ZNF253: variants seen among roughly 807,000 people sequenced by gnomAD.
ZNF253 encodes the protein DNA-binding protein.
A neutral mutation model predicts 11.9 loss-of-function variants in ZNF253; 8 were observed. The ratio of observed to expected loss-of-function variants is 0.67; its 90% CI spans 0.40 to 1.22. The LOEUF is 1.22. ZNF253 is among the 50% of genes most tolerant of loss of function. The pLI is 0.01. For synonymous variants in ZNF253, 194 were observed against 194.9 expected (o/e 1.00, Z 0.04); for missense variants, 485 against 586.9 (o/e 0.83, Z 1.79).
chr19:19,888,274 C>T (rs1486828007), intron 3 of ZNF253, among the ~76,000 whole-genome samples: 1 of 151,966 alleles, frequency 6.6e-6, no homozygotes, highest in Non-Finnish European at 1.5e-5. Flanking sequence ...ATGTTGGCCA[C>T]GCTGGTCTTG....
Position 19,885,221 on chromosome 19 carries a change from TTCTTTCTTTCTTTC to T in ZNF253, c.226+5077_226+5090del, listed in dbSNP as rs1360415639. Among the ~76,000 whole-genome samples, 8 of 39,082 alleles carry T rather than the reference TTCTTTCTTTCTTTC, an allele frequency of 2.0e-4. 1 individual carries two copies. In the South Asian group the frequency reaches 4.1e-3, roughly 20 times the overall value. The allele number at this position is 39,082 out of a possible 152,430, so 25.6% of individuals were successfully genotyped here. The stretch of plus-strand genomic sequence containing the variant: ...ATGTCATGTCTTTTTTTTGTATTCT[TTCTTTCTTTCTTTC>T]TTTCTTTCTTTCTTTCTTTCTTTCT... On this transcript the variant is annotated intron_variant, in intron 3 of 3. Transcript: ENST00000589717.
At chr19:19,880,256 A>G (rs1342801164) in intron 3 of ZNF253, 110 bp downstream of exon 3, 1 of 719,956 alleles carries the variant, frequency 1.4e-6, no homozygotes, top group African/African-American at 1.9e-5. Flanking sequence ...TCCAAAGGAA[A>G]TAGGTCCTGG....
At chr19:19,879,156 T>G (rs1247056372) in intron 2 of ZNF253, among the ~76,000 whole-genome samples, 1 of 152,076 alleles carries the variant, frequency 6.6e-6, no homozygotes, top group African/African-American at 2.4e-5. Context: ...TTGAGTAAGG[T>G]GGGATATGTC....
In ZNF253 at chr19:19,894,296, C is replaced by T. The variant is rs546186319; in HGVS notation, c.*1549C>T. 1.3e-5 allele frequency: 2 copies of T among 152,164 alleles called. No homozygotes were observed. The highest frequency in any genetic ancestry group is 1.5e-5 in the Non-Finnish European group (1 of 67,990). 9.4% of individuals were successfully genotyped at this position (152,164 alleles called of 1,614,324 possible). A position where few individuals can be genotyped will look rare whatever the true frequency, so the allele number is the denominator to read the frequency against. ...ATGATATAATACAGCTTTCACATTGCTTTATGCTATTTTATTCCTATTATA... is the reference window on the plus strand; with the variant it reads ...ATGATATAATACAGCTTTCACATTGTTTTATGCTATTTTATTCCTATTATA... On this transcript the variant is annotated 3_prime_UTR_variant, in exon 4 of 4. Transcript: ENST00000589717.
chr19:19,878,707 A>G, intron 2 of ZNF253, 100 bp downstream of exon 2: 1 of 1,395,202 alleles, frequency 7.2e-7, no homozygotes, highest in East Asian at 2.5e-5. Context: ...GCAAAGTGGT[A>G]GAATTACAGG....
chr19:19,892,997 G>C lies in ZNF253; in HGVS notation c.*250G>C. On this transcript the variant is annotated 3_prime_UTR_variant, in exon 4 of 4. Coordinates refer to ENST00000589717, the MANE Select transcript of ZNF253 (RefSeq NM_021047.3). ...AAGTTCTCAATTCCTTTTTTTTTGAGATGGAGTTTCACTCTTGTCACCGAG... is the reference window on the plus strand; with the variant it reads ...AAGTTCTCAATTCCTTTTTTTTTGACATGGAGTTTCACTCTTGTCACCGAG... 2.6e-6 allele frequency: 1 copy of C among 385,794 alleles called. No individual in the cohort carries two copies. The highest frequency in any genetic ancestry group is 4.4e-5 in the South Asian group (1 of 22,908). 23.9% of individuals were successfully genotyped at this position (385,794 alleles called of 1,614,324 possible).
At chr19:19,878,375 C>T in intron 1 of ZNF253, 106 bp from the exon 2 acceptor site, 1 of 1,578,822 alleles carries the variant, frequency 6.3e-7, no homozygotes, top group South Asian at 1.1e-5. Context: ...TTTAGGCAGT[C>T]CTTTGAGTCA....
intron 1 of ZNF253, among the ~76,000 whole-genome samples, chr19:19,874,927 A>C (rs2063149061): frequency 6.6e-6 from 1 of 152,162 alleles, no homozygotes; most frequent in Non-Finnish European, 1.5e-5. Flanking sequence ...CAAACAAACA[A>C]ATTACAGAAA....
chr19:19,879,457 T>G (rs1418917949), intron 2 of ZNF253, among the ~76,000 whole-genome samples: 2 of 152,188 alleles, frequency 1.3e-5, no homozygotes, highest in Admixed American at 6.5e-5. Context: ...TCTGCGTACA[T>G]GTTAATGTAG....
intron 1 of ZNF253, among the ~76,000 whole-genome samples, chr19:19,870,459 T>A (rs1190778465): frequency 1.3e-5 from 2 of 152,100 alleles, no homozygotes; most frequent in South Asian, 2.1e-4. Flanking sequence ...TAGATATTTA[T>A]ATCTAATGTC....
chr19:19,890,190 G>A (rs928478294), intron 3 of ZNF253, among the ~76,000 whole-genome samples: 9 of 152,268 alleles, frequency 5.9e-5, no homozygotes, highest in African/African-American at 2.2e-4. Context: ...TTTTTAGGAT[G>A]TGTCTTGTCT....
chr19:19,884,213 G>A (rs1258345391), intron 3 of ZNF253, among the ~76,000 whole-genome samples: 1 of 152,058 alleles, frequency 6.6e-6, no homozygotes, highest in Non-Finnish European at 1.5e-5. Flanking sequence ...TCCATCATAT[G>A]TATATGTTAC....
At chr19:19,890,609 G>A (rs1022979432) in intron 3 of ZNF253, among the ~76,000 whole-genome samples, 1 of 147,780 alleles carries the variant, frequency 6.8e-6, no homozygotes, top group Non-Finnish European at 1.5e-5. Context: ...TACAATCTCC[G>A]TCTCCACAGT....
chr19:19,884,785 C>T (rs1253906886), intron 3 of ZNF253, among the ~76,000 whole-genome samples: 1 of 152,078 alleles, frequency 6.6e-6, no homozygotes, highest in African/African-American at 2.4e-5. Flanking sequence ...ATTTTTATTG[C>T]ATCATCAACA....
At chr19:19,869,158 A>G (rs1434004262) in intron 1 of ZNF253, among the ~76,000 whole-genome samples, 1 of 152,208 alleles carries the variant, frequency 6.6e-6, no homozygotes, top group Non-Finnish European at 1.5e-5. Context: ...GCAGAATGCT[A>G]AAGACTAAAA....
rs760647612 is a variant in ZNF253 at position 19,866,010 on chromosome 19, GGTCCAAC to G, written c.3+16_3+22del. 4 of 1,614,162 alleles carry G rather than the reference GGTCCAAC, an allele frequency of 2.5e-6. No individual in the cohort carries two copies. Among genetic ancestry groups the G allele is most frequent in the Non-Finnish European group, 3.4e-6 (4 of 1,180,024 alleles). ...GGAAGCCTAGAAATGGTGAGTGCCG[GGTCCAAC>G]GTCCCGAGAGAGGGGAGAGGCTGTT... On this transcript the variant is annotated intron_variant, in intron 1 of 3. Transcript: ENST00000589717.
intron 3 of ZNF253, among the ~76,000 whole-genome samples, chr19:19,885,594 T>C (rs916647900): frequency 3.1e-4 from 47 of 151,928 alleles, no homozygotes; most frequent in African/African-American, 1.1e-3. Context: ...GGTTTCACCA[T>C]GTTAGCCAGG....
Position 19,888,367 on chromosome 19 carries a change from G to A in ZNF253, c.227-3107G>A, listed in dbSNP as rs533439252. ...GCGTGAGCGACTGCGCCTGGCCAAC[G>A]TTATTTTATTGTTTTATTTGATTCT... On this transcript the variant is annotated intron_variant, in intron 3 of 3. Transcript: ENST00000589717. Among the ~76,000 whole-genome samples, 82 of 151,878 alleles carry A rather than the reference G, an allele frequency of 5.4e-4. 3 individuals carry two copies. The South Asian group carries it at 0.013, about 25-fold the overall frequency.
intron 3 of ZNF253, among the ~76,000 whole-genome samples, chr19:19,885,205 C>A (rs2063193463): frequency 6.7e-6 from 1 of 149,886 alleles, no homozygotes; most frequent in South Asian, 2.1e-4. Flanking sequence ...AATGTCATGT[C>A]TTTTTTTTGT....
Sources: allele counts gnomAD v4.1 joint callset (sites outside exome capture counted in the v4.1 genomes callset), GRCh38; gene constraint gnomAD v4.1.1; transcripts MANE v1.5; gene names NCBI Gene and HGNC (gene_info 2026-07-23, HGNC 2026-07-21).